Variants in SRGAP3 observed in about 807,000 individuals in gnomAD.
SRGAP3 encodes SLIT-ROBO Rho GTPase-activating protein 3.
In SRGAP3, 39 loss-of-function variants were observed where a neutral mutation model predicts 121.1. The ratio of observed to expected loss-of-function variants is 0.32; its 90% confidence interval spans 0.25 to 0.42. The LOEUF (loss-of-function observed/expected upper bound fraction) is 0.42. Among genes scored for constraint, SRGAP3 ranks in the 10% least tolerant of loss-of-function variants. The pLI is 1.00. For missense variants in SRGAP3, 1,213 were observed against 1,470.6 expected, an observed-to-expected ratio of 0.82 and a Z score of 2.86; for synonymous variants, 601 against 570.0, an observed-to-expected ratio of 1.05 and a Z score of -0.77.
At chr3:9,299,816 A>C (rs1469315384) in intron 3 of SRGAP3, among the ~76,000 whole-genome samples, 1 of 152,118 alleles carries the variant, frequency 6.6e-6, no homozygotes, top group Non-Finnish European at 1.5e-5. Context: ...AGGCTGAGGC[A>C]GGAGATTGAA....
At chr3:9,002,352 T>C (rs942946489) in intron 18 of SRGAP3, among the ~76,000 whole-genome samples, 11 of 151,714 alleles carry the variant, frequency 7.3e-5, no homozygotes, top group Admixed American at 7.2e-4. Flanking sequence ...TAACTAGTGG[T>C]TGAAGAAAAA....
intron 1 of SRGAP3, among the ~76,000 whole-genome samples, chr3:9,354,177 A>G (rs1052460252): frequency 6.6e-6 from 1 of 152,222 alleles, no homozygotes; most frequent in African/African-American, 2.4e-5. Flanking sequence ...TTCAAGTACC[A>G]TAACAAAGTC....
At chr3:9,127,763 A>C (rs550099251) in intron 1 of SRGAP3, among the ~76,000 whole-genome samples, 16 of 152,178 alleles carry the variant, frequency 1.1e-4, no homozygotes, top group Non-Finnish European at 2.2e-4. Context: ...AAATTTTAAA[A>C]AGTAATTAGC....
chr3:9,349,011 G>A (rs1365665292), intron 1 of SRGAP3: 2 of 930,906 alleles, frequency 2.1e-6, no homozygotes, highest in Non-Finnish European at 3.6e-6. Context: ...AGCCCCCCGG[G>A]CATTGTCAAG....
At chr3:9,136,058 T>C (rs1342954807) in intron 1 of SRGAP3, among the ~76,000 whole-genome samples, 2 of 152,218 alleles carry the variant, frequency 1.3e-5, no homozygotes, top group African/African-American at 4.8e-5. Context: ...CCAGGCGCCA[T>C]CTCGCGCCCC....
chr3:9,307,129 C>A (rs1473017229), intron 3 of SRGAP3, among the ~76,000 whole-genome samples: 8 of 152,142 alleles, frequency 5.3e-5, no homozygotes, highest in Non-Finnish European at 1.0e-4. Context: ...CGTGCCATCA[C>A]GCCTGGCTTA....
chr3:9,051,445 C>T (rs1352729626), intron 9 of SRGAP3, among the ~76,000 whole-genome samples: 2 of 152,148 alleles, frequency 1.3e-5, no homozygotes, highest in Non-Finnish European at 2.9e-5. Context: ...AGCACGTATG[C>T]TGAGTAACTG....
intron 1 of SRGAP3, among the ~76,000 whole-genome samples, chr3:9,134,432 T>G (rs971716828): frequency 1.3e-5 from 2 of 152,182 alleles, no homozygotes; most frequent in African/African-American, 2.4e-5. Context: ...CCACCTGGTA[T>G]GTTACAGCCA....
chr3:9,213,486 G>A (rs369329258), intron 1 of SRGAP3, among the ~76,000 whole-genome samples: 35 of 152,248 alleles, frequency 2.3e-4, no homozygotes, highest in African/African-American at 6.5e-4. Flanking sequence ...TGAGCTTCAC[G>A]CCACATGCCC....
rs573076960 is a variant in SRGAP3 at position 8,980,664 on chromosome 3, G to A, written c.*4855C>T. ...ACCAGCAGGCACCATCAGAATACGC[G>A]ACAGAGGATCCAATCAGACACTCTA... On this transcript the variant is annotated 3_prime_UTR_variant, in exon 22 of 22. Transcript: ENST00000383836. 8.6e-5 allele frequency: 20 copies of A among 231,726 alleles called. No homozygotes were observed. Among genetic ancestry groups the A allele is most frequent in the African/African-American group, 3.8e-4 (17 of 45,328 alleles). 14.4% of individuals were successfully genotyped at this position (231,726 alleles called of 1,614,324 possible).
At position 9,037,320 on chromosome 3, in the gene SRGAP3, T is replaced by G. The variant is rs199879207; in HGVS notation, c.1436+743A>C. On this transcript the variant is annotated intron_variant, in intron 11 of 21. Transcript: ENST00000383836. The stretch of plus-strand genomic sequence containing the variant: ...AGGAACATAGAAATGAAATAGGCTC[T>G]AAGCAAACAACCTGGCCAGTGACAG... 14 of 151,748 alleles carry G rather than the reference T, an allele frequency of 9.2e-5. No homozygotes were observed. The East Asian group carries it at 2.7e-3, about 29-fold the overall frequency. 9.4% of individuals were successfully genotyped at this position (151,748 alleles called of 1,614,324 possible). A position where few individuals can be genotyped will look rare whatever the true frequency, so the allele number is the denominator to read the frequency against.
rs79488851 is a variant in SRGAP3 at position 9,322,338 on chromosome 3, A to C, written n.442+3672T>G. Among the ~76,000 whole-genome samples the C allele has an allele frequency of 1.4e-3, 217 of 151,938 alleles. 3 individuals carry two copies. The South Asian group carries it at 0.025, about 17-fold the overall frequency. On this transcript the variant is annotated intron_variant and non_coding_transcript_variant, in intron 3 of 3. Coordinates refer to the SRGAP3 transcript ENST00000490889. ...CCAAGTGCGTTAAGTGGCAGCACAC[A>C]AGGCCTTCCCAAAGTGGGTTCCATG...
chr3:9,020,462 A>G (rs6443217), intron 14 of SRGAP3, among the ~76,000 whole-genome samples: 28,672 of 152,058 alleles, frequency 0.19, 3,128 homozygotes, highest in Non-Finnish European at 0.25. Flanking sequence ...CAAAAACTGT[A>G]CCATATTAAG....
In SRGAP3 at chr3:9,285,374, G is replaced by T. The variant is rs185822069; in HGVS notation, n.442+40636C>A. On this transcript the variant is annotated intron_variant and non_coding_transcript_variant, in intron 3 of 3. Transcript: ENST00000490889. ...GGCATTTGAGAAAACAGCAGAAGCA[G>T]GAAGGTCTCTCTGACCCCGCTTTTC... Among the ~76,000 whole-genome samples, 1,160 of 152,232 alleles carry T rather than the reference G, an allele frequency of 7.6e-3. 7 individuals carry two copies. Among genetic ancestry groups the T allele is most frequent in the Non-Finnish European group, 0.012 (810 of 68,018 alleles).
intron 3 of SRGAP3, among the ~76,000 whole-genome samples, chr3:9,261,698 T>C (rs1954258712): frequency 6.6e-6 from 1 of 151,018 alleles, no homozygotes; most frequent in South Asian, 2.1e-4. Context: ...TATGAGACTA[T>C]GTGAAAAGAC....
intron 12 of SRGAP3, among the ~76,000 whole-genome samples, chr3:9,032,194 T>TA (rs897512308): frequency 8.6e-5 from 13 of 150,436 alleles, no homozygotes; most frequent in South Asian, 2.1e-4. Context: ...TATATGCAAC[T>TA]AAAAAAAAAA....
chr3:9,196,793 A>G (rs978019117), intron 1 of SRGAP3, among the ~76,000 whole-genome samples: 3 of 152,220 alleles, frequency 2.0e-5, no homozygotes, highest in African/African-American at 7.2e-5. Flanking sequence ...AACTAGTCCA[A>G]TACTCTTATT....
intron 3 of SRGAP3, among the ~76,000 whole-genome samples, chr3:9,305,838 T>G (rs1955151883): frequency 6.6e-6 from 1 of 152,222 alleles, no homozygotes; most frequent in South Asian, 2.1e-4. Flanking sequence ...GTTCCAAGTC[T>G]TTGCTATTGT....
rs1353415003 is a variant in SRGAP3 at position 8,982,373 on chromosome 3, G to T, written c.*3146C>A. 1 of 225,796 alleles carries T rather than the reference G, an allele frequency of 4.4e-6. No homozygotes were observed. The highest frequency in any genetic ancestry group is 2.2e-5 in the African/African-American group (1 of 44,870). 14.0% of individuals were successfully genotyped at this position (225,796 alleles called of 1,614,324 possible). ...AAGTAGGTAAACACCACTTCCCCTT[G>T]TACAATTGGTTATATTGAAGACTAC... On this transcript the variant is annotated 3_prime_UTR_variant, in exon 22 of 22. Coordinates refer to ENST00000383836, the MANE Select transcript of SRGAP3 (RefSeq NM_014850.4).
Sources: allele counts gnomAD v4.1 joint callset (sites outside exome capture counted in the v4.1 genomes callset), GRCh38; gene constraint gnomAD v4.1.1; transcripts MANE v1.5; gene names NCBI Gene and HGNC (gene_info 2026-07-23, HGNC 2026-07-21).